Variants in YIPF4 observed in about 807,000 individuals in gnomAD.
YIPF4 encodes protein YIPF4.
In YIPF4, 18 loss-of-function variants were observed where a neutral mutation model predicts 29.4. The observed-to-expected ratio is 0.61, with a 90% confidence interval of 0.42 to 0.91. The LOEUF (loss-of-function observed/expected upper bound fraction) is 0.91. Ranked by LOEUF, YIPF4 falls within the 40% of genes least tolerant of loss-of-function variation. The pLI is 0.00. For synonymous variants in YIPF4, 115 were observed against 104.7 expected, an observed-to-expected ratio of 1.10 and a Z score of -0.60; for missense variants, 279 against 282.7, an observed-to-expected ratio of 0.99 and a Z score of 0.09.
chr2:32,297,392 A>G (rs2031234579), intron 3 of YIPF4, among the ~76,000 whole-genome samples: 1 of 152,062 alleles, frequency 6.6e-6, no homozygotes, highest in Non-Finnish European at 1.5e-5. Context: ...AAGTGCTGGA[A>G]TGACAGGCGT....
rs1466867014 is a variant in YIPF4, at chr2:32,308,090, T to C, written c.*2464T>C. The C allele has an allele frequency of 6.6e-6, 1 of 152,020 alleles. No homozygotes were observed. The highest frequency in any genetic ancestry group is 1.5e-5 in the Non-Finnish European group (1 of 68,024). The allele number at this position is 152,020 out of a possible 1,614,324, so 9.4% of individuals were successfully genotyped here. A position where few individuals can be genotyped will look rare whatever the true frequency, so the allele number is the denominator to read the frequency against. On this transcript the variant is annotated 3_prime_UTR_variant, in exon 6 of 6. Transcript: ENST00000238831. ...ATAACTAATTTTTTAAATAATGATT[T>C]CCAATCTAATTATTAATTAGAATTT...
rs2148968759 is a variant in YIPF4 at position 32,306,533 on chromosome 2, G to T, written c.*907G>T. 1 of 984,972 alleles carries T rather than the reference G, an allele frequency of 1.0e-6. No individual in the cohort carries two copies. The highest frequency in any genetic ancestry group is 1.2e-6 in the Non-Finnish European group (1 of 829,586). 61.0% of individuals were successfully genotyped at this position (984,972 alleles called of 1,614,324 possible). A position where few individuals can be genotyped will look rare whatever the true frequency, so the allele number is the denominator to read the frequency against. On this transcript the variant is annotated 3_prime_UTR_variant, in exon 6 of 6. Coordinates refer to ENST00000238831, the MANE Select transcript of YIPF4 (RefSeq NM_032312.4). ...TTAAAATCTTGTGGTGTTGAACAAT[G>T]TTATATGAAGTAGAAAAAATAAAAT...
chr2:32,293,867 A>G (rs1210019409), intron 3 of YIPF4, among the ~76,000 whole-genome samples: 2 of 134,046 alleles, frequency 1.5e-5, no homozygotes, highest in East Asian at 4.9e-4. Context: ...TCCCTCCCGG[A>G]CGGGGCGGCT....
Position 32,315,201 on chromosome 2 carries a change from T to TA in YIPF4, c.*9577dup, listed in dbSNP as rs2031797725. 6.6e-6 allele frequency: 1 copy of TA among 152,148 alleles called. No individual in the cohort carries two copies. Among genetic ancestry groups the TA allele is most frequent in the Non-Finnish European group, 1.5e-5 (1 of 68,024 alleles). The allele number at this position is 152,148 out of a possible 1,614,324, so 9.4% of individuals were successfully genotyped here. On this transcript the variant is annotated 3_prime_UTR_variant, in exon 6 of 6. Transcript: ENST00000238831. ...TTTCAAGCAGGAAGAAGATGAAGCT[T>TA]AAGAGACCAAATGGAGCATGTCAGT...
intron 5 of YIPF4, among the ~76,000 whole-genome samples, chr2:32,302,000 C>T (rs1182241158): frequency 6.6e-6 from 1 of 151,840 alleles, no homozygotes; most frequent in African/African-American, 2.4e-5. Flanking sequence ...CCACCACACC[C>T]GGCCTGGTCA....
rs1027256427 is a variant in YIPF4 at position 32,315,742 on chromosome 2, A to C, written c.*10116A>C. ...GTGACAAGGCAAGACTCCGTCTCAA[A>C]AAAAAAAAGAAAAATATAAAGCTGG... is the stretch of plus-strand genomic sequence containing the variant. On this transcript the variant is annotated 3_prime_UTR_variant, in exon 6 of 6. Coordinates refer to ENST00000238831, the MANE Select transcript of YIPF4 (RefSeq NM_032312.4). 3.3e-5 allele frequency: 5 copies of C among 152,122 alleles called. No homozygotes were observed. Among genetic ancestry groups the C allele is most frequent in the Admixed American group, 6.6e-5 (1 of 15,238 alleles). 9.4% of individuals were successfully genotyped at this position (152,122 alleles called of 1,614,324 possible).
rs1219302323 is a variant in YIPF4, at chr2:32,313,917, C to G, written c.*8291C>G. The G allele has an allele frequency of 1.3e-5, 2 of 152,134 alleles. No homozygotes were observed. The highest frequency in any genetic ancestry group is 2.9e-5 in the Non-Finnish European group (2 of 68,050). The allele number at this position is 152,134 out of a possible 1,614,324, so 9.4% of individuals were successfully genotyped here. On this transcript the variant is annotated 3_prime_UTR_variant, in exon 6 of 6. Coordinates refer to ENST00000238831, the MANE Select transcript of YIPF4 (RefSeq NM_032312.4). ...GGGATTTCACCATGTTGGTCTCGAA[C>G]TGCTAACCTCAGGTGATCTGCCCGC...
intron 5 of YIPF4, among the ~76,000 whole-genome samples, chr2:32,304,808 A>G (rs2031521292): frequency 6.6e-6 from 1 of 152,218 alleles, no homozygotes; most frequent in Non-Finnish European, 1.5e-5. Context: ...GACTACATCA[A>G]TAAGTATTGC....
chr2:32,294,850 T>C (rs942418731), intron 3 of YIPF4, among the ~76,000 whole-genome samples: 5 of 152,136 alleles, frequency 3.3e-5, no homozygotes, highest in South Asian at 2.1e-4. Context: ...GGATCACTCG[T>C]GGTTAGGAGC....
intron 3 of YIPF4, among the ~76,000 whole-genome samples, chr2:32,294,831 G>A (rs1384247038): frequency 3.3e-5 from 5 of 152,256 alleles, no homozygotes; most frequent in African/African-American, 7.2e-5. Context: ...TCCGGAGGCC[G>A]AGGCTGGCGG....
intron 5 of YIPF4, among the ~76,000 whole-genome samples, chr2:32,302,712 G>A (rs1340598821): frequency 6.6e-6 from 1 of 152,244 alleles, no homozygotes; most frequent in East Asian, 1.9e-4. Context: ...GTGAATATAA[G>A]TTTGTTCTTT....
chr2:32,298,629 C>T (rs956738046), intron 4 of YIPF4, among the ~76,000 whole-genome samples: 8 of 152,050 alleles, frequency 5.3e-5, no homozygotes, highest in African/African-American at 1.4e-4. Flanking sequence ...GGGGCAATCT[C>T]GGCTCATTGC....
At position 32,313,930 on chromosome 2, in the gene YIPF4, G is replaced by T. The variant is rs2031770952; in HGVS notation, c.*8304G>T. ...GTTGGTCTCGAACTGCTAACCTCAG[G>T]TGATCTGCCCGCCTTGGCCTCCCAA... is the stretch of plus-strand genomic sequence containing the variant. On this transcript the variant is annotated 3_prime_UTR_variant, in exon 6 of 6. Transcript: ENST00000238831. 2 of 152,148 alleles carry T rather than the reference G, an allele frequency of 1.3e-5. No individual in the cohort carries two copies. The highest frequency in any genetic ancestry group is 2.4e-5 in the African/African-American group (1 of 41,438). The allele number at this position is 152,148 out of a possible 1,614,324, so 9.4% of individuals were successfully genotyped here.
intron 5 of YIPF4, among the ~76,000 whole-genome samples, 166 bp from the exon 6 acceptor site, chr2:32,305,322 TG>T (rs2031538797): frequency 6.6e-6 from 1 of 152,216 alleles, no homozygotes; most frequent in African/African-American, 2.4e-5. Context: ...AGAGCAAAGA[TG>T]GACATTCTTA....
At chr2:32,291,172 C>G (rs1186408774) in intron 2 of YIPF4, among the ~76,000 whole-genome samples, 1 of 152,150 alleles carries the variant, frequency 6.6e-6, no homozygotes, top group Non-Finnish European at 1.5e-5. Context: ...TGAGGCATTT[C>G]CAGATTCTTC....
intron 5 of YIPF4, among the ~76,000 whole-genome samples, chr2:32,301,759 T>G (rs2031412665): frequency 6.6e-6 from 1 of 152,168 alleles, no homozygotes; most frequent in Non-Finnish European, 1.5e-5. Context: ...TGTTTTGTTT[T>G]CTGGAGTCTC....
chr2:32,304,367 A>G (rs971843592), intron 5 of YIPF4, among the ~76,000 whole-genome samples: 1 of 152,046 alleles, frequency 6.6e-6, no homozygotes, highest in Non-Finnish European at 1.5e-5. Context: ...ATTTTATTTT[A>G]TATATTTCCC....
In YIPF4 at chr2:32,304,596, T is replaced by C. The variant is rs138601069; in HGVS notation, c.598-893T>C. Among the ~76,000 whole-genome samples, 834 of 152,252 alleles carry C rather than the reference T, an allele frequency of 5.5e-3. 11 individuals carry two copies. The highest frequency in any genetic ancestry group is 0.019 in the African/African-American group (788 of 41,546). The stretch of plus-strand genomic sequence containing the variant: ...AGGCATTTTTGAGGAGTGTGACTAG[T>C]ATATAGTGTGTAGAGAGCAGGAATG... On this transcript the variant is annotated intron_variant, in intron 5 of 5. Transcript: ENST00000238831.
intron 5 of YIPF4, among the ~76,000 whole-genome samples, chr2:32,304,607 T>C (rs1339357229): frequency 6.6e-6 from 1 of 152,210 alleles, no homozygotes; most frequent in Non-Finnish European, 1.5e-5. Context: ...ATATAGTGTG[T>C]AGAGAGCAGG....
Sources: allele counts gnomAD v4.1 joint callset (sites outside exome capture counted in the v4.1 genomes callset), GRCh38; gene constraint gnomAD v4.1.1; transcripts MANE v1.5; gene names NCBI Gene and HGNC (gene_info 2026-07-23, HGNC 2026-07-21).